ASPSCR1: variants seen among roughly 807,000 people sequenced by gnomAD.
The protein encoded by ASPSCR1 is ASPSCR1 tether for SLC2A4, UBX domain containing.
In ASPSCR1, 55 loss-of-function variants were observed where a neutral mutation model predicts 68.9. That is an observed-to-expected ratio of 0.80 (90% CI 0.64 to 1.00). The LOEUF (loss-of-function observed/expected upper bound fraction) is 1.00. ASPSCR1 is among the 50% of genes least tolerant of loss of function. The pLI is 0.00. For synonymous variants in ASPSCR1, 352 were observed against 332.6 expected (o/e 1.06, Z -0.63); for missense variants, 765 against 762.2 (o/e 1.00, Z -0.04).
chr17:81,987,049 T>C lies in ASPSCR1; in HGVS notation c.374+1442T>C, dbSNP rs990802476. ...GCAAAGCCAAAGCCACGGGCAGGGG[T>C]GAGCGGGACCCGAGGCAGGAGATGA... is the stretch of plus-strand genomic sequence containing the variant. On this transcript the variant is annotated intron_variant, in intron 4 of 15. Coordinates refer to ENST00000306739, the MANE Select transcript of ASPSCR1 (RefSeq NM_024083.4). The surrounding 1 kb of genome is among the most constrained non-coding windows in gnomAD (Gnocchi z 5.6). Among the ~76,000 whole-genome samples, 5 of 149,192 alleles carry C rather than the reference T, an allele frequency of 3.4e-5. No homozygotes were observed. Among genetic ancestry groups the C allele is most frequent in the African/African-American group, 1.0e-4 (4 of 40,080 alleles).
At chr17:82,015,837 A>G (rs2043107318) in intron 12 of ASPSCR1, 1 of 190,598 alleles carries the variant, frequency 5.2e-6, no homozygotes. Context: ...GCCCCTGCCC[A>G]CCCCACAGGC....
intron 4 of ASPSCR1, among the ~76,000 whole-genome samples, chr17:81,991,321 C>T (rs545684097): frequency 5.9e-5 from 9 of 152,328 alleles, no homozygotes; most frequent in African/African-American, 2.2e-4. Context: ...AGCCTTGACT[C>T]AGTGCTTGGG....
Position 82,017,099 on chromosome 17 carries a change from G to A in ASPSCR1, c.1634G>A (p.Trp545Ter), listed in dbSNP as rs781337294. Reference sequence around the variant, plus strand: ...AGGAGCCTGGGCAAGGTGCCCAAGTGGCTGAAGCTGCCGGGTACTGCGGCT... The same window carrying A: ...AGGAGCCTGGGCAAGGTGCCCAAGTAGCTGAAGCTGCCGGGTACTGCGGCT... The part of the protein sequence containing the change: ...VKRSLGKVPK[W>*]LKLPASKR Residue 545 changes from tryptophan (W) to a stop codon, truncating the protein, a stop_gained, in exon 15 of 16, where the codon TGG (tryptophan) becomes TAG (stop). Coordinates refer to ENST00000306739, the MANE Select transcript of ASPSCR1 (RefSeq NM_024083.4). LOFTEE classifies it high-confidence loss of function. The A allele has an allele frequency of 2.5e-6, 4 of 1,598,706 alleles. No individual in the cohort carries two copies. Among genetic ancestry groups the A allele is most frequent in the South Asian group, 1.1e-5 (1 of 90,666 alleles).
At chr17:82,009,811 C>G (rs564784838) in intron 9 of ASPSCR1, 3 of 360,906 alleles carry the variant, frequency 8.3e-6, no homozygotes, top group Non-Finnish European at 1.6e-5. Context: ...GTGGATGGGA[C>G]GTGGGGGCGA....
At chr17:81,988,773 G>A (rs1318924442) in intron 4 of ASPSCR1, among the ~76,000 whole-genome samples, 2 of 152,184 alleles carry the variant, frequency 1.3e-5, no homozygotes, top group African/African-American at 2.4e-5. Context: ...GGGTGTTGCG[G>A]GGCATCTGGC....
intron 3 of ASPSCR1, among the ~76,000 whole-genome samples, chr17:81,985,048 CCA>C (rs1163483954): frequency 4.4e-5 from 6 of 135,010 alleles, no homozygotes; most frequent in Admixed American, 2.2e-4. Context: ...CACCTCCCCC[CCA>C]CACACACCCA....
intron 7 of ASPSCR1, chr17:82,006,934 C>G (rs2042739904): frequency 6.6e-6 from 1 of 152,368 alleles, no homozygotes; most frequent in African/African-American, 2.4e-5. Context: ...CCTTCCTGGC[C>G]CCTCTTCTCT....
chr17:82,016,306 G>C (rs1157251624), intron 12 of ASPSCR1, 170 bp from the exon 13 acceptor site: 10 of 632,738 alleles, frequency 1.6e-5, no homozygotes, highest in Admixed American at 5.9e-5. Flanking sequence ...CTTGCTTACA[G>C]GGGTAGGGCT....
intron 12 of ASPSCR1, chr17:82,015,157 T>C (rs1214414797): frequency 6.9e-6 from 11 of 1,598,142 alleles, no homozygotes; most frequent in Non-Finnish European, 8.5e-6. Context: ...AGAACACGCT[T>C]GCCAGTGGTA....
At chr17:82,015,314 C>T in intron 12 of ASPSCR1, 1 of 1,598,200 alleles carries the variant, frequency 6.3e-7, no homozygotes, top group Non-Finnish European at 8.5e-7. Context: ...GTGGCGATCC[C>T]TCCCGAGTCA....
chr17:81,979,125 C>T (rs2041712558), intron 1 of ASPSCR1, 59 bp from the exon 2 acceptor site: 1 of 1,581,716 alleles, frequency 6.3e-7, no homozygotes. Context: ...TGACCTGGCC[C>T]ACTGCGCCCG....
intron 5 of ASPSCR1, chr17:81,995,184 G>A (rs1345718942): frequency 8.3e-6 from 4 of 481,998 alleles, no homozygotes; most frequent in East Asian, 6.9e-5. Flanking sequence ...CGAGTGTGGC[G>A]TGGCGCAAGC....
At position 82,016,853 on chromosome 17, in the gene ASPSCR1, G is replaced by A. The variant is rs760018468; in HGVS notation, c.1459G>A (p.Asp487Asn). The A allele has an allele frequency of 2.0e-5, 33 of 1,612,194 alleles. No individual in the cohort carries two copies. The highest frequency in any genetic ancestry group is 2.5e-5 in the Non-Finnish European group (29 of 1,179,960). ...LEHAISPSAA[D>N]VLVARYMSRA... ...GCATGCCATCTCCCCATCTGCGGCC[G>A]ATGTGCTGGTGGCCAGGTAAGTGCC... The change falls in exon 14 of 16, where the codon GAT (aspartate) becomes AAT (asparagine). Residue 487 changes from aspartate to asparagine, a missense_variant. Coordinates refer to ENST00000306739, the MANE Select transcript of ASPSCR1 (RefSeq NM_024083.4).
rs573067127 is a variant in ASPSCR1, at chr17:81,998,620, G to A, written c.933+1774G>A. On this transcript the variant is annotated intron_variant, in intron 7 of 15. Transcript: ENST00000306739. ...AAAAATCTTAAGTGGGTGTTGAACC[G>A]TTTCAGTGTTTTCAGCATCAATGGA... is the stretch of plus-strand genomic sequence containing the variant. Among the ~76,000 whole-genome samples the A allele has an allele frequency of 1.1e-4, 16 of 152,294 alleles. No individual in the cohort carries two copies. The South Asian group carries it at 2.9e-3, about 28-fold the overall frequency.
chr17:81,999,693 G>T lies in ASPSCR1; in HGVS notation c.933+2847G>T, dbSNP rs377408497. Among the ~76,000 whole-genome samples, 231 of 151,724 alleles carry T rather than the reference G, an allele frequency of 1.5e-3. 6 individuals are homozygous for T. In the South Asian group the frequency reaches 0.048, roughly 31 times the overall value. The stretch of plus-strand genomic sequence containing the variant: ...GCTCTGTGCACATGGCCCCGGCCTC[G>T]GCTGTCCCCTGGGCACTCGTGCTAC... On this transcript the variant is annotated intron_variant, in intron 7 of 15. Coordinates refer to ENST00000306739, the MANE Select transcript of ASPSCR1 (RefSeq NM_024083.4). This position sits in a 1 kb window ranked among gnomAD's most constrained non-coding sequence, Gnocchi z 4.4.
rs2042135427 is a variant in ASPSCR1 at position 81,990,738 on chromosome 17, C to T, written c.375-4083C>T. On this transcript the variant is annotated intron_variant, in intron 4 of 15. Coordinates refer to ENST00000306739, the MANE Select transcript of ASPSCR1 (RefSeq NM_024083.4). The surrounding 1 kb of genome is among the most constrained non-coding windows in gnomAD (Gnocchi z 4.1). ...GGGGTACACGGCCCTCCTGGAGGCA[C>T]CCGGAGGAGGAAAGGGAGTACCTTT... is the stretch of plus-strand genomic sequence containing the variant. Among the ~76,000 whole-genome samples the T allele has an allele frequency of 6.6e-6, 1 of 152,158 alleles. No individual in the cohort carries two copies. Among genetic ancestry groups the T allele is most frequent in the Non-Finnish European group, 1.5e-5 (1 of 68,016 alleles).
intron 15 of ASPSCR1, 36 bp downstream of exon 15, chr17:82,017,149 C>A: frequency 6.4e-7 from 1 of 1,559,306 alleles, no homozygotes; most frequent in Non-Finnish European, 8.7e-7. Flanking sequence ...GTGCTGTGGC[C>A]GGGTGGAGGG....
chr17:81,998,379 C>T (rs909632069), intron 7 of ASPSCR1, among the ~76,000 whole-genome samples: 6 of 152,204 alleles, frequency 3.9e-5, no homozygotes, highest in African/African-American at 1.4e-4. Flanking sequence ...GTCGGGGCCT[C>T]TGCAGACCTT....
rs368957042 is a variant in ASPSCR1 at position 81,996,544 on chromosome 17, G to A, written c.631G>A (p.Asp211Asn). The change falls in exon 7 of 16, where the codon GAC becomes AAC. Residue 211 changes from aspartate (D) to asparagine (N), a missense_variant. Transcript: ENST00000306739. The stretch of plus-strand genomic sequence containing the variant: ...GGAATCTGGGGAGCTCAGCCGCGGC[G>A]ACTTGAGCCGTCCGGAGGACGCGGA... ...PLESGELSRG[D>N]LSRPEDADTS... The A allele has an allele frequency of 6.4e-5, 104 of 1,612,756 alleles. No individual in the cohort carries two copies. The highest frequency in any genetic ancestry group is 7.6e-5 in the Non-Finnish European group (90 of 1,179,648).
Sources: gnomAD v4.1 joint callset for allele counts (sites outside exome capture counted in the v4.1 genomes callset) on GRCh38, gnomAD v4.1.1 for gene constraint, Gnocchi (gnomAD v3.1) non-coding constraint, MANE v1.5 for transcripts, NCBI Gene and HGNC (gene_info 2026-07-23, HGNC 2026-07-21) for gene names.